The following FHL5 variants were observed in gnomAD, a reference collection of about 807,000 sequenced individuals.
The protein encoded by FHL5 is four and a half LIM domains 5, also known as four and a half LIM domains protein 5.
In FHL5, 33 loss-of-function variants were observed where a neutral mutation model predicts 32.0. The observed-to-expected ratio is 1.03, with a 90% CI of 0.78 to 1.38. FHL5 has a LOEUF of 1.38. Among genes scored for constraint, FHL5 ranks in the 40% most tolerant of loss-of-function variants. FHL5 has a pLI of 0.00. For missense variants in FHL5, 336 were observed against 343.9 expected (o/e 0.98, Z 0.18); for synonymous variants, 114 against 113.6 (o/e 1.00, Z -0.02).
At position 96,610,588 on chromosome 6, in the gene FHL5, G is replaced by A; in HGVS notation, c.521G>A (p.Gly174Glu). 6.2e-7 allele frequency: 1 copy of A among 1,613,574 alleles called. No homozygotes were observed. Among genetic ancestry groups the A allele is most frequent in the Non-Finnish European group, 8.5e-7 (1 of 1,179,648 alleles). ...NFCKKVITSG[G>E]ITFCDQLWHK... ...CTTTGGCAGGTGATAACTTCAGGTG[G>A]GATAACATTTTGTGACCAGCTATGG... Residue 174 changes from glycine (G) to glutamate (E), a missense_variant, in exon 5 of 6, where the codon GGG becomes GAG. Physicochemically the swap from Gly to Glu is moderately conservative, Grantham distance 98. Coordinates refer to ENST00000450218, the MANE Select transcript of FHL5 (RefSeq NM_001322466.2).
chr6:96,594,566 G>T lies in FHL5; in HGVS notation c.-12-9036G>T, dbSNP rs563263714. On this transcript the variant is annotated intron_variant, in intron 1 of 5. Coordinates refer to ENST00000450218, the MANE Select transcript of FHL5 (RefSeq NM_001322466.2). ...TGGTTGAAGCTGACAAGAATTTGTTGGGATTTGAACTCAGATTGGTTGCAG... is the reference window on the plus strand; with the variant it reads ...TGGTTGAAGCTGACAAGAATTTGTTTGGATTTGAACTCAGATTGGTTGCAG... Among the ~76,000 whole-genome samples the T allele has an allele frequency of 2.0e-5, 3 of 151,824 alleles. No homozygotes were observed. In the South Asian group the frequency reaches 6.2e-4, roughly 32 times the overall value.
Position 96,570,911 on chromosome 6 carries a change from TTTAA to T in FHL5, c.-13+7559_-13+7562del, listed in dbSNP as rs1246932714. 1.8e-4 allele frequency among the ~76,000 whole-genome samples: 28 copies of T among 152,136 alleles called. 1 individual carries two copies. The highest frequency in any genetic ancestry group is 2.1e-4 in the South Asian group (1 of 4,836). ...TATTGTGAATTTTTTTCTTATTTTA[TTTAA>T]TTGTGTATCTGTGTTTCCTTGTATC... On this transcript the variant is annotated intron_variant, in intron 1 of 5. Transcript: ENST00000450218.
chr6:96,579,508 T>C (rs1770654519), intron 1 of FHL5, among the ~76,000 whole-genome samples: 1 of 152,168 alleles, frequency 6.6e-6, no homozygotes, highest in South Asian at 2.1e-4. Context: ...GTACAACAGA[T>C]AGTACATATT....
At chr6:96,592,010 C>T (rs1770929368) in intron 1 of FHL5, among the ~76,000 whole-genome samples, 1 of 152,050 alleles carries the variant, frequency 6.6e-6, no homozygotes, top group African/African-American at 2.4e-5. Context: ...CAAATGGAGG[C>T]AGGGCGAGAT....
chr6:96,592,184 G>A (rs1399597030), intron 1 of FHL5, among the ~76,000 whole-genome samples: 1 of 152,052 alleles, frequency 6.6e-6, no homozygotes, highest in East Asian at 1.9e-4. Flanking sequence ...GAGCACTATG[G>A]GAGACTGGGG....
chr6:96,580,271 C>T (rs141897420), intron 1 of FHL5, among the ~76,000 whole-genome samples: 1 of 152,254 alleles, frequency 6.6e-6, no homozygotes, highest in Non-Finnish European at 1.5e-5. Context: ...CAGTTTTATC[C>T]AAGACCTTTT....
intron 5 of FHL5, among the ~76,000 whole-genome samples, chr6:96,611,879 G>A (rs1050615630): frequency 6.6e-6 from 1 of 152,250 alleles, no homozygotes; most frequent in Admixed American, 6.5e-5. Context: ...ACTGGCTCAC[G>A]GGCTACATCT....
At chr6:96,571,786 A>G (rs1012719600) in intron 1 of FHL5, among the ~76,000 whole-genome samples, 6 of 152,106 alleles carry the variant, frequency 3.9e-5, no homozygotes, top group Non-Finnish European at 7.4e-5. Context: ...ACCTGAGTCA[A>G]TAGGGCTCAG....
intron 1 of FHL5, among the ~76,000 whole-genome samples, chr6:96,576,808 T>C (rs958326961): frequency 3.9e-5 from 6 of 152,214 alleles, no homozygotes; most frequent in Non-Finnish European, 7.3e-5. Context: ...TGTGATGCAT[T>C]GGCATGCCTT....
chr6:96,604,819 G>C lies in FHL5; in HGVS notation c.229G>C (p.Val77Leu), dbSNP rs1562063554. The C allele has an allele frequency of 1.9e-6, 3 of 1,614,026 alleles. No individual in the cohort carries two copies. Among genetic ancestry groups the C allele is most frequent in the Non-Finnish European group, 2.5e-6 (3 of 1,179,888 alleles). ...FKCTKCNHSL[V>L]EKPFAAKDER... ...GTGCACCAAATGCAATCACTCTTTG[G>C]TGGAAAAGCCTTTTGCTGCCAAGGA... The change falls in exon 3 of 6, where the codon GTG (valine) becomes CTG (leucine). Residue 77 changes from valine to leucine, a missense_variant. By Grantham distance (32) the Val-to-Leu change is conservative. Transcript: ENST00000450218.
intron 1 of FHL5, among the ~76,000 whole-genome samples, chr6:96,601,615 CA>C (rs1223351929): frequency 1.3e-5 from 2 of 152,110 alleles, no homozygotes; most frequent in Non-Finnish European, 2.9e-5. Context: ...AAAAGCCTCA[CA>C]AAATGGCAGT....
chr6:96,605,760 C>T lies in FHL5; in HGVS notation c.335-142C>T, dbSNP rs1020498147. 14 of 697,924 alleles carry T rather than the reference C, an allele frequency of 2.0e-5. No individual in the cohort carries two copies. The Admixed American group carries it at 3.0e-4, about 15-fold the overall frequency. 43.2% of individuals were successfully genotyped at this position (697,924 alleles called of 1,614,324 possible). ...CTCCAGATGAATGGGTTTTTTTGAACCTGAAAAAATACTATTTTTCTAAAA... is the reference window on the plus strand; with the variant it reads ...CTCCAGATGAATGGGTTTTTTTGAATCTGAAAAAATACTATTTTTCTAAAA... On this transcript the variant is annotated intron_variant, in intron 3 of 5. Coordinates refer to ENST00000450218, the MANE Select transcript of FHL5 (RefSeq NM_001322466.2).
At chr6:96,587,396 T>C (rs1272718814) in intron 1 of FHL5, among the ~76,000 whole-genome samples, 1 of 152,216 alleles carries the variant, frequency 6.6e-6, no homozygotes, top group African/African-American at 2.4e-5. Context: ...GTAAAAAGAC[T>C]ACATTTACAT....
At chr6:96,598,013 T>A (rs1771071190) in intron 1 of FHL5, among the ~76,000 whole-genome samples, 1 of 152,184 alleles carries the variant, frequency 6.6e-6, no homozygotes, top group East Asian at 1.9e-4. Context: ...GACACAGGAC[T>A]CAGCCTATAT....
rs1168636713 is a variant in FHL5, at chr6:96,602,426, CTTTT to C, written c.-12-1141_-12-1138del. Among the ~76,000 whole-genome samples the C allele has an allele frequency of 3.0e-3, 100 of 33,686 alleles. 1 individual carries two copies. Among genetic ancestry groups the C allele is most frequent in the African/African-American group, 7.6e-3 (91 of 12,034 alleles). The allele number at this position is 33,686 out of a possible 152,430, so 22.1% of individuals were successfully genotyped here. A position where few individuals can be genotyped will look rare whatever the true frequency, so the allele number is the denominator to read the frequency against. ...ACCTGGAAATCTATATGCGTTGTTT[CTTTT>C]TTTTTTTTTTTTTTTTTTTTTTTTT... On this transcript the variant is annotated intron_variant, in intron 1 of 5. Transcript: ENST00000450218.
chr6:96,605,875 T>C, intron 3 of FHL5, 27 bp from the exon 4 acceptor site: 2 of 1,598,844 alleles, frequency 1.3e-6, no homozygotes, highest in African/African-American at 1.3e-5. Flanking sequence ...TGACTTATAC[T>C]AACATGGCCT....
intron 1 of FHL5, among the ~76,000 whole-genome samples, chr6:96,581,379 A>G (rs762873538): frequency 1.3e-5 from 2 of 152,212 alleles, no homozygotes; most frequent in Non-Finnish European, 2.9e-5. Context: ...ATGGAAAATG[A>G]AAGACACAAA....
intron 1 of FHL5, among the ~76,000 whole-genome samples, chr6:96,586,577 A>G (rs1321328327): frequency 6.6e-6 from 1 of 152,212 alleles, no homozygotes. Context: ...AATAGGGACA[A>G]TGCCCCAAAG....
intron 1 of FHL5, among the ~76,000 whole-genome samples, chr6:96,578,769 G>A (rs1582461233): frequency 6.6e-6 from 1 of 152,060 alleles, no homozygotes; most frequent in East Asian, 1.9e-4. Flanking sequence ...TTGAACCTGG[G>A]AGGCGGAAGC....
Sources: allele counts gnomAD v4.1 joint callset (sites outside exome capture counted in the v4.1 genomes callset), GRCh38; gene constraint gnomAD v4.1.1; transcripts MANE v1.5; gene names NCBI Gene and HGNC (gene_info 2026-07-23, HGNC 2026-07-21).